The following CEP57 variants were observed in gnomAD, a reference collection of about 807,000 sequenced individuals.
CEP57 encodes the protein centrosomal protein 57.
CEP57 carries 40 observed loss-of-function variants against 68.0 expected under a neutral mutation model. That is an observed-to-expected ratio of 0.59 (90% confidence interval 0.46 to 0.77). The LOEUF (loss-of-function observed/expected upper bound fraction) is 0.77, where lower values mean the gene tolerates loss of function less well. Ranked by LOEUF, CEP57 falls within the 30% of genes least tolerant of loss-of-function variation. The pLI is 0.00. For synonymous variants in CEP57, 219 were observed against 198.7 expected, an observed-to-expected ratio of 1.10 and a Z score of -0.86; for missense variants, 606 against 580.7, an observed-to-expected ratio of 1.04 and a Z score of -0.45.
intron 4 of CEP57, chr11:95,815,323 C>T (rs1039380488): frequency 5.3e-5 from 8 of 152,134 alleles, no homozygotes; most frequent in African/African-American, 1.9e-4. Context: ...TTTTCATTTT[C>T]ATTTGGGTCT....
chr11:95,821,903 C>A lies in CEP57; in HGVS notation c.732C>A (p.Ile244=), dbSNP rs537497503. The change falls in exon 7 of 11, where the codon ATC becomes ATA. Residue 244 remains isoleucine (I), a synonymous_variant. Transcript: ENST00000325542. ...LQTGLETNRL[I]FEDKATPCVP... ...CTGGTCTAGAAACAAATAGACTTAT[C>A]TTTGAAGATAAGGCAACTCCGTGTG... The A allele has an allele frequency of 2.0e-5, 33 of 1,612,144 alleles. No individual in the cohort carries two copies. In the East Asian group the frequency reaches 5.8e-4, roughly 28 times the overall value.
intron 10 of CEP57, among the ~76,000 whole-genome samples, chr11:95,830,069 T>C (rs1862937239): frequency 1.3e-5 from 2 of 152,210 alleles, no homozygotes; most frequent in South Asian, 4.1e-4. Flanking sequence ...AACAGTTTTG[T>C]TGACTGTTGA....
At chr11:95,794,067 G>A (rs1336235824) in intron 1 of CEP57, among the ~76,000 whole-genome samples, 1 of 152,104 alleles carries the variant, frequency 6.6e-6, no homozygotes, top group African/African-American at 2.4e-5. Context: ...AGAGAATCCA[G>A]CATTCTTTTT....
chr11:95,821,809 C>A, intron 6 of CEP57, 62 bp from the exon 7 acceptor site: 1 of 1,161,402 alleles, frequency 8.6e-7, no homozygotes. Flanking sequence ...CATGACACAT[C>A]TGAAATCTGA....
intron 4 of CEP57, among the ~76,000 whole-genome samples, chr11:95,814,178 G>A (rs766976211): frequency 6.3e-4 from 95 of 151,228 alleles, no homozygotes; most frequent in Non-Finnish European, 6.9e-4. Flanking sequence ...TCATCCTCCC[G>A]AGTAGCTGGG....
chr11:95,805,750 C>T (rs911204793), intron 2 of CEP57, among the ~76,000 whole-genome samples: 1 of 152,040 alleles, frequency 6.6e-6, no homozygotes, highest in African/African-American at 2.4e-5. Context: ...CACTAATTCC[C>T]TAACATTAAG....
intron 1 of CEP57, 98 bp from the exon 2 acceptor site, chr11:95,799,134 C>T: frequency 2.5e-6 from 3 of 1,201,472 alleles, no homozygotes; most frequent in South Asian, 1.3e-5. Context: ...TTTCTGTTGT[C>T]TGTATGGACA....
Position 95,831,164 on chromosome 11 carries a change from G to A in CEP57, c.1411G>A (p.Gly471Arg). Residue 471 changes from glycine to arginine, a missense_variant, in exon 11 of 11, where the codon GGA (glycine) becomes AGA (arginine). By Grantham distance (125) the Gly-to-Arg change is moderately radical. Transcript: ENST00000325542. ...NKKDFMKLRP[G>R]EKRRKNLQLL... ...GAAAGATTTTATGAAACTGAGACCT[G>A]GAGAAAAAAGGAGAAAAAATCTTCA... 6.2e-7 allele frequency: 1 copy of A among 1,613,104 alleles called. No individual in the cohort carries two copies. The highest frequency in any genetic ancestry group is 8.5e-7 in the Non-Finnish European group (1 of 1,179,448).
chr11:95,819,621 C>A (rs1271474892), intron 6 of CEP57, among the ~76,000 whole-genome samples: 1 of 152,164 alleles, frequency 6.6e-6, no homozygotes, highest in Non-Finnish European at 1.5e-5. Flanking sequence ...ACTCCCCTGC[C>A]CCTTCCAGGG....
intron 4 of CEP57, chr11:95,815,342 C>G (rs901480849): frequency 6.6e-6 from 1 of 152,178 alleles, no homozygotes; most frequent in African/African-American, 2.4e-5. Context: ...CTTTTTCCAT[C>G]CACTTAGTTT....
intron 2 of CEP57, among the ~76,000 whole-genome samples, chr11:95,811,329 G>T (rs1414765762): frequency 6.7e-6 from 1 of 149,918 alleles, no homozygotes; most frequent in Non-Finnish European, 1.5e-5. Context: ...CTATTGCAAG[G>T]ACAGAAAACC....
In CEP57 at chr11:95,832,194, A is replaced by T. The variant is rs1392283117; in HGVS notation, c.*938A>T. ...CTAGATCAAGACATGTTAACCTTTT[A>T]TAAATTTAAAGTCAATAAAGCACCT... is the stretch of plus-strand genomic sequence containing the variant. On this transcript the variant is annotated 3_prime_UTR_variant, in exon 11 of 11. Coordinates refer to ENST00000325542, the MANE Select transcript of CEP57 (RefSeq NM_014679.5). The T allele has an allele frequency of 2.0e-5, 3 of 152,138 alleles. No homozygotes were observed. Among genetic ancestry groups the T allele is most frequent in the Admixed American group, 2.0e-4 (3 of 15,260 alleles). The allele number at this position is 152,138 out of a possible 1,614,324, so 9.4% of individuals were successfully genotyped here.
rs550898694 is a variant in CEP57 at position 95,829,583 on chromosome 11, T to C, written c.1272+252T>C. Among the ~76,000 whole-genome samples, 17 of 152,354 alleles carry C rather than the reference T, an allele frequency of 1.1e-4. 1 individual carries two copies. The South Asian group carries it at 3.5e-3, about 32-fold the overall frequency. ...ATTTAATATTCTTTATGAATAAGCT[T>C]TAACTTCTTTGATGAATTTAAATTG... On this transcript the variant is annotated intron_variant, in intron 10 of 10. Coordinates refer to ENST00000325542, the MANE Select transcript of CEP57 (RefSeq NM_014679.5).
At chr11:95,803,972 A>C (rs939550944) in intron 2 of CEP57, among the ~76,000 whole-genome samples, 1 of 152,166 alleles carries the variant, frequency 6.6e-6, no homozygotes, top group African/African-American at 2.4e-5. Flanking sequence ...GAGGTATATA[A>C]GTCAGGGAAA....
chr11:95,822,733 T>C (rs1862568057), intron 8 of CEP57, 157 bp downstream of exon 8: 3 of 560,674 alleles, frequency 5.4e-6, no homozygotes, highest in East Asian at 3.4e-5. Context: ...AGGGAGGTTT[T>C]TGGGGATTAG....
chr11:95,798,949 G>A (rs1003808826), intron 1 of CEP57, among the ~76,000 whole-genome samples: 17 of 151,996 alleles, frequency 1.1e-4, no homozygotes, highest in African/African-American at 2.7e-4. Context: ...TTTTAACTGC[G>A]GTATTTACAT....
At chr11:95,795,670 A>G (rs1355884035) in intron 1 of CEP57, 2 of 444,370 alleles carry the variant, frequency 4.5e-6, no homozygotes, top group Non-Finnish European at 8.0e-6. Flanking sequence ...TAAGGAAGTA[A>G]GTTTTTTAAA....
In CEP57 at chr11:95,832,674, T is replaced by A. The variant is rs1863060024; in HGVS notation, c.*1418T>A. 1 of 151,986 alleles carries A rather than the reference T, an allele frequency of 6.6e-6. No homozygotes were observed. 9.4% of individuals were successfully genotyped at this position (151,986 alleles called of 1,614,324 possible). ...CTTGTTTGAATTTCAGGTCATTAAA[T>A]TGTATAACCATCATTTGAATTGTAG... On this transcript the variant is annotated 3_prime_UTR_variant, in exon 11 of 11. Transcript: ENST00000325542.
Position 95,813,092 on chromosome 11 carries a change from G to A in CEP57, c.363G>A (p.Glu121=), listed in dbSNP as rs1002889131. The A allele has an allele frequency of 6.2e-7, 1 of 1,612,734 alleles. No individual in the cohort carries two copies. The highest frequency in any genetic ancestry group is 2.2e-5 in the East Asian group (1 of 44,854). The change falls in exon 3 of 11, where the codon GAG becomes GAA. Residue 121 remains glutamate (E), a synonymous_variant. Transcript: ENST00000325542. ...AAGAAAGGGAGAATTCAAAGAATGA[G>A]GAATCAAAGCACAATCAAGGTTTGT... ...QIQERENSKN[E]ESKHNQELTS...
Sources: allele counts gnomAD v4.1 joint callset (sites outside exome capture counted in the v4.1 genomes callset), GRCh38; gene constraint gnomAD v4.1.1; transcripts MANE v1.5; gene names NCBI Gene and HGNC (gene_info 2026-07-23, HGNC 2026-07-21).